Variants in CTNNA3 observed in about 807,000 individuals in gnomAD.
The protein encoded by CTNNA3 is catenin alpha-3.
CTNNA3 carries 76 observed loss-of-function variants against 95.7 expected under a neutral mutation model. The ratio of observed to expected loss-of-function variants is 0.79; its 90% CI spans 0.66 to 0.96. The LOEUF (loss-of-function observed/expected upper bound fraction) is 0.96, where lower values mean the gene tolerates loss of function less well. Ranked by LOEUF, CTNNA3 falls within the 40% of genes least tolerant of loss-of-function variation. CTNNA3 has a pLI of 0.00. For synonymous variants in CTNNA3, 431 were observed against 374.4 expected (o/e 1.15, Z -1.74); for missense variants, 1,191 against 1,089.8 (o/e 1.09, Z -1.31).
intron 7 of CTNNA3, among the ~76,000 whole-genome samples, chr10:67,166,152 T>A (rs1861762080): frequency 6.6e-6 from 1 of 152,200 alleles, no homozygotes. Flanking sequence ...AATTATATAA[T>A]CACTAGGTAT....
At chr10:67,212,662 T>C (rs1044419058) in intron 6 of CTNNA3, among the ~76,000 whole-genome samples, 1 of 151,944 alleles carries the variant, frequency 6.6e-6, no homozygotes, top group Non-Finnish European at 1.5e-5. Flanking sequence ...AAATAAATTA[T>C]ATTGAATTTT....
chr10:66,178,137 G>T (rs1331854945), intron 13 of CTNNA3, among the ~76,000 whole-genome samples: 1 of 151,060 alleles, frequency 6.6e-6, no homozygotes, highest in Non-Finnish European at 1.5e-5. Flanking sequence ...TTCCAGTTAT[G>T]CATGAAGACA....
At chr10:67,530,696 G>T (rs939858494) in intron 4 of CTNNA3, among the ~76,000 whole-genome samples, 29 of 152,220 alleles carry the variant, frequency 1.9e-4, no homozygotes, top group East Asian at 1.3e-3. Context: ...GCCAGCTGCA[G>T]AAATTTGCAT....
chr10:67,602,906 C>T (rs1182945182), intron 3 of CTNNA3, among the ~76,000 whole-genome samples: 3 of 152,238 alleles, frequency 2.0e-5, no homozygotes, highest in African/African-American at 7.2e-5. Flanking sequence ...AAGACTATTA[C>T]AAAATTTTAT....
At chr10:66,003,933 A>G (rs2078827000) in intron 15 of CTNNA3, among the ~76,000 whole-genome samples, 1 of 152,218 alleles carries the variant, frequency 6.6e-6, no homozygotes, top group African/African-American at 2.4e-5. Flanking sequence ...AATTGCGCAC[A>G]TCACATCATA....
intron 3 of CTNNA3, among the ~76,000 whole-genome samples, chr10:67,550,683 A>AAAGAAATTTCTTTATTCATAGAATG (rs1433884654): frequency 3.9e-4 from 57 of 145,522 alleles, no homozygotes; most frequent in African/African-American, 1.3e-3. Flanking sequence ...ACCGTAGAAT[A>AAAGAAATTTCTTTATTCATAGAATG]AAGAAATTTC....
chr10:66,285,496 G>A (rs2091569574), intron 12 of CTNNA3, among the ~76,000 whole-genome samples: 1 of 151,644 alleles, frequency 6.6e-6, no homozygotes, highest in Non-Finnish European at 1.5e-5. Flanking sequence ...TTTTTAATAT[G>A]ATGAAGATTA....
chr10:67,443,940 T>C (rs1049297824), intron 5 of CTNNA3, among the ~76,000 whole-genome samples: 10 of 152,220 alleles, frequency 6.6e-5, no homozygotes, highest in Non-Finnish European at 1.2e-4. Flanking sequence ...GTCTAATGTT[T>C]AAGTCTTTAA....
chr10:66,259,347 T>C (rs1453673287), intron 13 of CTNNA3, among the ~76,000 whole-genome samples: 1 of 152,132 alleles, frequency 6.6e-6, no homozygotes, highest in Non-Finnish European at 1.5e-5. Flanking sequence ...CCCTCTTCAC[T>C]GTGCTATTTT....
chr10:67,659,770 A>C lies in CTNNA3; in HGVS notation c.-5-12252T>G, dbSNP rs148627681. Among the ~76,000 whole-genome samples the C allele has an allele frequency of 3.6e-3, 555 of 152,338 alleles. 5 individuals carry two copies. The highest frequency in any genetic ancestry group is 0.013 in the African/African-American group (521 of 41,574). On this transcript the variant is annotated intron_variant, in intron 1 of 17. Coordinates refer to ENST00000433211, the MANE Select transcript of CTNNA3 (RefSeq NM_013266.4). ...CTGTTGCTGCAAGTCCAGTGAGCCT[A>C]TGGGTCCATCCCATTCCATAATATT...
chr10:66,528,808 G>A (rs1841359856), intron 10 of CTNNA3, among the ~76,000 whole-genome samples: 1 of 151,990 alleles, frequency 6.6e-6, no homozygotes, highest in Admixed American at 6.6e-5. Context: ...AACAAAGACT[G>A]AATTATCTTC....
At chr10:66,769,465 A>G (rs926050951) in intron 8 of CTNNA3, among the ~76,000 whole-genome samples, 1 of 152,238 alleles carries the variant, frequency 6.6e-6, no homozygotes, top group Non-Finnish European at 1.5e-5. Flanking sequence ...TACCTTCACT[A>G]TTATGAACTA....
chr10:66,140,300 A>C (rs1589528901), intron 13 of CTNNA3, among the ~76,000 whole-genome samples: 1 of 152,292 alleles, frequency 6.6e-6, no homozygotes, highest in South Asian at 2.1e-4. Context: ...CCTCCTTTCA[A>C]TTCTTTCCAG....
At chr10:66,850,852 T>C (rs2132380086) in intron 7 of CTNNA3, among the ~76,000 whole-genome samples, 1 of 152,322 alleles carries the variant, frequency 6.6e-6, no homozygotes, top group African/African-American at 2.4e-5. Flanking sequence ...ATCTTCTGCC[T>C]CCAAATGTAG....
At chr10:66,040,166 C>T (rs571589365) in intron 15 of CTNNA3, among the ~76,000 whole-genome samples, 1 of 151,652 alleles carries the variant, frequency 6.6e-6, no homozygotes, top group Non-Finnish European at 1.5e-5. Flanking sequence ...AAATCAAAAC[C>T]CCAACGAGAT....
At chr10:66,276,864 A>G (rs892020899) in intron 13 of CTNNA3, among the ~76,000 whole-genome samples, 2 of 152,120 alleles carry the variant, frequency 1.3e-5, no homozygotes, top group Non-Finnish European at 2.9e-5. Context: ...TCATGTAAGC[A>G]TAATAATCTT....
chr10:66,038,590 T>C (rs1469748807), intron 15 of CTNNA3, among the ~76,000 whole-genome samples: 1 of 152,186 alleles, frequency 6.6e-6, no homozygotes, highest in Non-Finnish European at 1.5e-5. Flanking sequence ...ACCTGCTGAG[T>C]CAATTTCAGA....
chr10:66,978,038 A>C (rs1850151825), intron 7 of CTNNA3, among the ~76,000 whole-genome samples: 1 of 131,184 alleles, frequency 7.6e-6, no homozygotes, highest in Admixed American at 9.0e-5. Context: ...CATGAGTGAA[A>C]TAAATTTGCA....
intron 11 of CTNNA3, among the ~76,000 whole-genome samples, chr10:66,465,708 G>T (rs190357324): frequency 1.6e-3 from 237 of 152,120 alleles, no homozygotes; most frequent in Non-Finnish European, 2.6e-3. Context: ...ATCTCCTGAT[G>T]GGAAAGGAAA....
Sources: allele counts gnomAD v4.1 joint callset (sites outside exome capture counted in the v4.1 genomes callset), GRCh38; gene constraint gnomAD v4.1.1; transcripts MANE v1.5; gene names NCBI Gene and HGNC (gene_info 2026-07-23, HGNC 2026-07-21).